PCP4L1: variants seen among roughly 807,000 people sequenced by gnomAD.
The protein encoded by PCP4L1 is Purkinje cell protein 4 like 1.
In PCP4L1, 9 loss-of-function variants were observed where a neutral mutation model predicts 9.6. That is an observed-to-expected ratio of 0.94 (90% CI 0.57 to 1.64). PCP4L1 has a LOEUF of 1.64. Among genes scored for constraint, PCP4L1 ranks in the 40% most tolerant of loss-of-function variants. The pLI is 0.00. For synonymous variants in PCP4L1, 31 were observed against 28.2 expected (o/e 1.10, Z -0.31); for missense variants, 81 against 80.8 (o/e 1.00, Z -0.01).
intron 1 of PCP4L1, 132 bp from the exon 2 acceptor site, chr1:161,283,536 T>A: frequency 1.3e-6 from 1 of 773,010 alleles, no homozygotes. Context: ...ATCTCAAGAC[T>A]TGCTTCTTCA....
At chr1:161,262,737 T>A (rs1441127934) in intron 1 of PCP4L1, among the ~76,000 whole-genome samples, 1 of 152,196 alleles carries the variant, frequency 6.6e-6, no homozygotes, top group Admixed American at 6.5e-5. Flanking sequence ...ACTTGATGCA[T>A]CTTTCATGTC....
chr1:161,263,437 C>T (rs1195055265), intron 1 of PCP4L1, among the ~76,000 whole-genome samples: 5 of 152,046 alleles, frequency 3.3e-5, no homozygotes, highest in African/African-American at 1.2e-4. Flanking sequence ...TGGGGTTTCA[C>T]TATGTTGGCC....
chr1:161,270,742 G>T (rs1313638162), intron 1 of PCP4L1, among the ~76,000 whole-genome samples: 2 of 151,978 alleles, frequency 1.3e-5, no homozygotes, highest in African/African-American at 2.4e-5. Context: ...GGGCATGGTG[G>T]CATGTGCTTG....
chr1:161,273,508 A>G (rs1404683748), intron 1 of PCP4L1, among the ~76,000 whole-genome samples: 1 of 152,214 alleles, frequency 6.6e-6, no homozygotes, highest in Non-Finnish European at 1.5e-5. Flanking sequence ...CTCCAAGCTC[A>G]CTAGAAACTT....
At chr1:161,266,465 T>C (rs780494414) in intron 1 of PCP4L1, among the ~76,000 whole-genome samples, 1 of 152,188 alleles carries the variant, frequency 6.6e-6, no homozygotes, top group Non-Finnish European at 1.5e-5. Flanking sequence ...CATTAAACTG[T>C]GGCAGCCCAT....
intron 1 of PCP4L1, among the ~76,000 whole-genome samples, chr1:161,265,741 T>TTTTTTTTTTTTTTTTTTTTTTA (rs1669519316): frequency 7.0e-6 from 1 of 142,204 alleles, no homozygotes; most frequent in Non-Finnish European, 1.5e-5. Flanking sequence ...ACTTTTTTTT[T>TTTTTTTTTTTTTTTTTTTTTTA]TTTTTTTTTT....
At chr1:161,273,462 C>G (rs1379147338) in intron 1 of PCP4L1, among the ~76,000 whole-genome samples, 1 of 152,140 alleles carries the variant, frequency 6.6e-6, no homozygotes, top group Non-Finnish European at 1.5e-5. Context: ...AAGTCCCATT[C>G]AGTCCTATGT....
intron 1 of PCP4L1, among the ~76,000 whole-genome samples, chr1:161,270,569 C>CAAAAACAAA (rs1553257229): frequency 8.6e-6 from 1 of 116,622 alleles, no homozygotes; most frequent in Non-Finnish European, 1.7e-5. Flanking sequence ...ACCCCAGGCT[C>CAAAAACAAA]AAAAAAAAAA....
intron 1 of PCP4L1, among the ~76,000 whole-genome samples, chr1:161,282,561 T>C (rs1268898979): frequency 6.6e-6 from 1 of 152,190 alleles, no homozygotes; most frequent in African/African-American, 2.4e-5. Flanking sequence ...CATATATCAA[T>C]AGCTCCCTAA....
rs1233676096 is a variant in PCP4L1, at chr1:161,283,806, A to G, written c.64+84A>G. The G allele has an allele frequency of 4.4e-6, 6 of 1,361,484 alleles. No homozygotes were observed. The South Asian group carries it at 6.4e-5, about 14-fold the overall frequency. 84.3% of individuals were successfully genotyped at this position (1,361,484 alleles called of 1,614,324 possible). A position where few individuals can be genotyped will look rare whatever the true frequency, so the allele number is the denominator to read the frequency against. ...AGTAGGGTGAGTCTGGAATTTCCTA[A>G]AGTCAGACATGAAAGGAATAAGAAT... is the stretch of plus-strand genomic sequence containing the variant. On this transcript the variant is annotated intron_variant, in intron 2 of 2. Transcript: ENST00000504449.
chr1:161,264,720 G>A (rs546380699), intron 1 of PCP4L1, among the ~76,000 whole-genome samples: 107 of 151,958 alleles, frequency 7.0e-4, no homozygotes, highest in Middle Eastern at 3.4e-3. Flanking sequence ...TCCCAGTTAC[G>A]TGGGAGGCTG....
intron 1 of PCP4L1, among the ~76,000 whole-genome samples, chr1:161,281,511 G>C (rs1489653976): frequency 6.6e-6 from 1 of 150,732 alleles, no homozygotes; most frequent in East Asian, 2.0e-4. Flanking sequence ...GGCCGGGCGG[G>C]GGCTGACCCC....
At chr1:161,269,197 A>C (rs1669582900) in intron 1 of PCP4L1, among the ~76,000 whole-genome samples, 1 of 152,232 alleles carries the variant, frequency 6.6e-6, no homozygotes, top group South Asian at 2.1e-4. Context: ...ACATAAACAA[A>C]TGGAAAACAT....
chr1:161,272,624 T>C (rs2102236568), intron 1 of PCP4L1, among the ~76,000 whole-genome samples: 1 of 152,160 alleles, frequency 6.6e-6, no homozygotes, highest in South Asian at 2.1e-4. Flanking sequence ...GAGACCTGCT[T>C]CTTTCGTCTC....
chr1:161,265,356 C>T (rs757749943), intron 1 of PCP4L1, among the ~76,000 whole-genome samples: 1 of 152,058 alleles, frequency 6.6e-6, no homozygotes, highest in Non-Finnish European at 1.5e-5. Context: ...CATAGCAAGA[C>T]CCCGTCTTTA....
chr1:161,270,074 A>G (rs1250148638), intron 1 of PCP4L1, among the ~76,000 whole-genome samples: 1 of 151,932 alleles, frequency 6.6e-6, no homozygotes, highest in Non-Finnish European at 1.5e-5. Context: ...AGGAAGCTGG[A>G]TCACCTGAGG....
At chr1:161,273,333 C>A (rs1057309490) in intron 1 of PCP4L1, among the ~76,000 whole-genome samples, 1 of 152,136 alleles carries the variant, frequency 6.6e-6, no homozygotes, top group Non-Finnish European at 1.5e-5. Context: ...AACATTTAGT[C>A]CTGGCTGGGG....
intron 1 of PCP4L1, among the ~76,000 whole-genome samples, chr1:161,262,731 G>A (rs1398484487): frequency 1.3e-5 from 2 of 152,154 alleles, no homozygotes; most frequent in Non-Finnish European, 2.9e-5. Flanking sequence ...GCACAAACTT[G>A]ATGCATCTTT....
intron 1 of PCP4L1, among the ~76,000 whole-genome samples, chr1:161,280,262 A>G (rs375658698): frequency 3.9e-5 from 6 of 152,172 alleles, no homozygotes; most frequent in African/African-American, 1.4e-4. Context: ...GCCAGGGCCT[A>G]TAAGCTCTGC....
Sources: gnomAD v4.1 joint callset for allele counts (sites outside exome capture counted in the v4.1 genomes callset) on GRCh38, gnomAD v4.1.1 for gene constraint, MANE v1.5 for transcripts, NCBI Gene and HGNC (gene_info 2026-07-23, HGNC 2026-07-21) for gene names.